MMP27: variants seen among roughly 807,000 people sequenced by gnomAD.
MMP27 encodes the protein matrix metallopeptidase 27.
In MMP27, 51 loss-of-function variants were observed where a neutral mutation model predicts 48.1. That is an observed-to-expected ratio of 1.06 (90% CI 0.85 to 1.34). MMP27 has a LOEUF of 1.34. Ranked by LOEUF, MMP27 falls within the 40% of genes most tolerant of loss-of-function variation. The probability of loss-of-function intolerance (pLI) is 0.00; values close to 1 mark genes in which losing one functional copy is unlikely to be tolerated. For synonymous variants in MMP27, 229 were observed against 208.9 expected, an observed-to-expected ratio of 1.10 and a Z score of -0.83; for missense variants, 698 against 619.3, an observed-to-expected ratio of 1.13 and a Z score of -1.35.
chr11:102,701,083 G>A (rs2846701), intron 4 of MMP27, among the ~76,000 whole-genome samples: 81,233 of 152,008 alleles, frequency 0.53, 21,910 homozygotes, highest in Middle Eastern at 0.59. Context: ...GAAGAGGAAG[G>A]TATTTTCCCC....
chr11:102,700,171 G>A lies in MMP27; in HGVS notation c.619+2582C>T, dbSNP rs187336977. 3.0e-4 allele frequency among the ~76,000 whole-genome samples: 46 copies of A among 152,316 alleles called. 1 individual carries two copies. The highest frequency in any genetic ancestry group is 1.0e-3 in the African/African-American group (42 of 41,554). On this transcript the variant is annotated intron_variant, in intron 4 of 9. Transcript: ENST00000260229. Reference sequence around the variant, plus strand: ...TTATGACAGAGCCTGAGTCATAGTGGATGTTCAATAAATGATCATTGAGTG... The same window carrying A: ...TTATGACAGAGCCTGAGTCATAGTGAATGTTCAATAAATGATCATTGAGTG...
rs762682213 is a variant in MMP27 at position 102,704,769 on chromosome 11, G to A, written c.109C>T (p.Leu37Phe). ...EENMQLAQAY[L>F]NQFYSLEIEG... Reference sequence around the variant, plus strand: ...ATTTCAAGAGAGTAGAACTGGTTGAGATATGCCTGACCAAAAAGATAAGAA... The same window carrying A: ...ATTTCAAGAGAGTAGAACTGGTTGAAATATGCCTGACCAAAAAGATAAGAA... The change falls in exon 2 of 10, where the codon CTC becomes TTC. Residue 37 changes from leucine to phenylalanine, a missense_variant. Coordinates refer to ENST00000260229, the MANE Select transcript of MMP27 (RefSeq NM_022122.3). The A allele has an allele frequency of 1.2e-4, 198 of 1,584,072 alleles. 4 individuals carry two copies. In the South Asian group the frequency reaches 2.1e-3, roughly 17 times the overall value.
chr11:102,695,020 G>C lies in MMP27; in HGVS notation c.980C>G (p.Ala327Gly), dbSNP rs769414842. The C allele has an allele frequency of 1.9e-6, 3 of 1,613,866 alleles. No individual in the cohort carries two copies. The African/African-American group carries it at 4.0e-5, about 22-fold the overall frequency. The change falls in exon 7 of 10, where the codon GCT becomes GGT. Residue 327 changes from alanine (A) to glycine (G), a missense_variant. By Grantham distance (60) the Ala-to-Gly change is moderately conservative. Transcript: ENST00000260229. Reference sequence around the variant, plus strand: ...GTTCTCGTATGCAGCTTGCAGATCAGCTGGCAGAGATGGCCAGAATGAAGC... The same window carrying C: ...GTTCTCGTATGCAGCTTGCAGATCACCTGGCAGAGATGGCCAGAATGAAGC... ...LIASFWPSLP[A>G]DLQAAYENPR...
At chr11:102,697,212 C>T (rs1057184414) in intron 4 of MMP27, among the ~76,000 whole-genome samples, 16 of 152,104 alleles carry the variant, frequency 1.1e-4, no homozygotes, top group Admixed American at 3.3e-4. Flanking sequence ...AATTATTTAG[C>T]GCAATGGTAA....
intron 6 of MMP27, among the ~76,000 whole-genome samples, chr11:102,695,733 A>T (rs1486041234): frequency 2.0e-5 from 3 of 152,192 alleles, no homozygotes; most frequent in Non-Finnish European, 4.4e-5. Flanking sequence ...TATCTTTGTC[A>T]ATGGTGTATG....
chr11:102,695,627 C>A (rs775004300), intron 6 of MMP27, among the ~76,000 whole-genome samples: 1 of 152,172 alleles, frequency 6.6e-6, no homozygotes, highest in Non-Finnish European at 1.5e-5. Flanking sequence ...TTGGCCTCTG[C>A]TGGTCAGAGA....
At chr11:102,696,618 T>C in intron 5 of MMP27, 56 bp downstream of exon 5, 1 of 1,572,010 alleles carries the variant, frequency 6.4e-7, no homozygotes, top group South Asian at 1.2e-5. Context: ...CTTAACTTCC[T>C]TTCTGAAAAG....
intron 1 of MMP27, 45 bp downstream of exon 1, chr11:102,705,568 A>G: frequency 8.1e-7 from 1 of 1,238,922 alleles, no homozygotes; most frequent in Non-Finnish European, 1.1e-6. Context: ...TCAATAAAAT[A>G]AGCTTTTTAT....
rs1250929065 is a variant in MMP27, at chr11:102,691,852, C to A, written c.1456G>T (p.Gly486Cys). 4 of 1,613,330 alleles carry A rather than the reference C, an allele frequency of 2.5e-6. No homozygotes were observed. Among genetic ancestry groups the A allele is most frequent in the African/African-American group, 1.3e-5 (1 of 75,002 alleles). ...DINKEKAHSG[G>C]IKILYHKSLS... ...CTCTTATGATACAATATCTTTATGC[C>A]TCCTGAATGTGCTTTTTCCTTGTTG... is the stretch of plus-strand genomic sequence containing the variant. The change falls in exon 10 of 10, where the codon GGC (glycine) becomes TGC (cysteine). Residue 486 changes from glycine (G) to cysteine (C), a missense_variant. Transcript: ENST00000260229.
At position 102,692,133 on chromosome 11, in the gene MMP27, A is replaced by G. The variant is rs552559877; in HGVS notation, c.1298-123T>C. 2.3e-4 allele frequency: 209 copies of G among 894,656 alleles called. 2 individuals are homozygous for G. The highest frequency in any genetic ancestry group is 1.1e-3 in the Middle Eastern group (3 of 2,778). 55.4% of individuals were successfully genotyped at this position (894,656 alleles called of 1,614,324 possible). A position where few individuals can be genotyped will look rare whatever the true frequency, so the allele number is the denominator to read the frequency against. ...AACGAAGAAATTTGTGGAATCACAT[A>G]CATACATTTTAGTTTTCTACTGTCA... On this transcript the variant is annotated intron_variant, in intron 9 of 9. Transcript: ENST00000260229.
intron 4 of MMP27, among the ~76,000 whole-genome samples, chr11:102,698,829 G>T (rs1324641182): frequency 6.6e-6 from 1 of 152,062 alleles, no homozygotes; most frequent in Non-Finnish European, 1.5e-5. Flanking sequence ...TTTCCTTCAT[G>T]TAACTTCCCT....
intron 9 of MMP27, among the ~76,000 whole-genome samples, chr11:102,692,688 T>G (rs1311574316): frequency 6.6e-6 from 1 of 152,188 alleles, no homozygotes. Context: ...GGGGGTGTCT[T>G]TACTTATCAA....
At chr11:102,700,906 G>A (rs1860927859) in intron 4 of MMP27, among the ~76,000 whole-genome samples, 1 of 152,228 alleles carries the variant, frequency 6.6e-6, no homozygotes, top group Admixed American at 6.5e-5. Flanking sequence ...TGTGTCTGTT[G>A]CTCTTAAGCA....
chr11:102,702,801 C>A lies in MMP27; in HGVS notation c.571G>T (p.Gly191Cys). ...HAFPPGPGLG[G>C]DTHFDEDENW... ...TCATCCTCATCAAAATGAGTGTCAC[C>A]ACCCAGACCCGGACCAGGAGGAAAG... Residue 191 changes from glycine (G) to cysteine (C), a missense_variant, in exon 4 of 10, where the codon GGT becomes TGT. By Grantham distance (159) the Gly-to-Cys change is radical. Transcript: ENST00000260229. 6.2e-7 allele frequency: 1 copy of A among 1,613,958 alleles called. No homozygotes were observed.
intron 9 of MMP27, 63 bp from the exon 10 acceptor site, chr11:102,692,073 A>C: frequency 7.2e-7 from 1 of 1,380,636 alleles, no homozygotes; most frequent in Non-Finnish European, 9.5e-7. Flanking sequence ...ATACTTTTAA[A>C]TTTTATAAAC....
chr11:102,697,941 T>C (rs1247677498), intron 4 of MMP27, among the ~76,000 whole-genome samples: 2 of 152,214 alleles, frequency 1.3e-5, no homozygotes, highest in African/African-American at 2.4e-5. Flanking sequence ...CCACATCTTG[T>C]CCCACTGGAA....
At chr11:102,699,927 C>A (rs577559495) in intron 4 of MMP27, among the ~76,000 whole-genome samples, 6 of 152,352 alleles carry the variant, frequency 3.9e-5, no homozygotes, top group African/African-American at 1.2e-4. Flanking sequence ...TTAGTTCCTG[C>A]TGAGCCTCCA....
intron 6 of MMP27, among the ~76,000 whole-genome samples, chr11:102,695,968 G>C (rs928330380): frequency 1.3e-5 from 2 of 152,280 alleles, no homozygotes; most frequent in Admixed American, 6.5e-5. Flanking sequence ...ATTTTCAGAT[G>C]TAAATACTCC....
intron 1 of MMP27, 150 bp downstream of exon 1, chr11:102,705,463 T>C (rs1861029328): frequency 1.9e-6 from 1 of 536,036 alleles, no homozygotes. Context: ...TTTCCTGATA[T>C]CGTCAGAGAT....
Sources: allele counts gnomAD v4.1 joint callset (sites outside exome capture counted in the v4.1 genomes callset), GRCh38; gene constraint gnomAD v4.1.1; transcripts MANE v1.5; gene names NCBI Gene and HGNC (gene_info 2026-07-23, HGNC 2026-07-21).